The following NOTCH1 variants were observed in gnomAD, a reference collection of about 807,000 sequenced individuals.
The protein encoded by NOTCH1 is neurogenic locus notch homolog protein 1.
In NOTCH1, 37 loss-of-function variants were observed where a neutral mutation model predicts 254.8. The observed-to-expected ratio is 0.15, with a 90% CI of 0.11 to 0.19. The LOEUF (loss-of-function observed/expected upper bound fraction) is 0.19, where lower values mean the gene tolerates loss of function less well. NOTCH1 is among the 10% of genes least tolerant of loss of function. The probability of loss-of-function intolerance (pLI) is 1.00; values close to 1 mark genes in which losing one functional copy is unlikely to be tolerated. For synonymous variants in NOTCH1, 1,731 were observed against 1,618.1 expected (o/e 1.07, Z -1.68); for missense variants, 2,972 against 3,708.6 (o/e 0.80, Z 5.16).
chr9:136,540,863 C>T lies in NOTCH1; in HGVS notation c.140+3161G>A, dbSNP rs1843723051. ...GTCAGCAGCCAACATCTTAGCTGCC[C>T]CCTGCCTCAACGCCCAGCCCAGACG... On this transcript the variant is annotated intron_variant, in intron 2 of 33. Transcript: ENST00000651671. This position sits in a 1 kb window ranked among gnomAD's most constrained non-coding sequence, Gnocchi z 4.4. Among the ~76,000 whole-genome samples, 1 of 152,118 alleles carries T rather than the reference C, an allele frequency of 6.6e-6. No individual in the cohort carries two copies. Among genetic ancestry groups the T allele is most frequent in the East Asian group, 1.9e-4 (1 of 5,174 alleles).
chr9:136,501,666 A>T (rs2133328175), intron 30 of NOTCH1, 82 bp downstream of exon 30: 1 of 1,539,666 alleles, frequency 6.5e-7, no homozygotes, highest in South Asian at 1.1e-5. Flanking sequence ...CAGAGTATCA[A>T]CTGTACCCCA....
chr9:136,500,220 G>A (rs1842974838), intron 31 of NOTCH1, among the ~76,000 whole-genome samples: 1 of 152,236 alleles, frequency 6.6e-6, no homozygotes, highest in Non-Finnish European at 1.5e-5. Context: ...GCTGCGAGGG[G>A]CTGCAGCAGT....
intron 2 of NOTCH1, among the ~76,000 whole-genome samples, chr9:136,537,076 G>A (rs1014577432): frequency 6.6e-6 from 1 of 152,216 alleles, no homozygotes; most frequent in Non-Finnish European, 1.5e-5. Flanking sequence ...CATCCTACAG[G>A]TTCACCTGGG....
At position 136,509,719 on chromosome 9, in the gene NOTCH1, C is replaced by A. The variant is rs112192550; in HGVS notation, c.2969+14G>T. 2 of 1,610,624 alleles carry A rather than the reference C, an allele frequency of 1.2e-6. No individual in the cohort carries two copies. Among genetic ancestry groups the A allele is most frequent in the African/African-American group, 1.3e-5 (1 of 74,912 alleles). ...GCCCGTTCCCTTCCACGGCCTCACT[C>A]GAGCCCCGCACACCTCTCTGTGCAG... On this transcript the variant is annotated intron_variant, in intron 18 of 33. Coordinates refer to ENST00000651671, the MANE Select transcript of NOTCH1 (RefSeq NM_017617.5).
At position 136,519,350 on chromosome 9, in the gene NOTCH1, C is replaced by T. The variant is rs117054785; in HGVS notation, c.865+93G>A. On this transcript the variant is annotated intron_variant, in intron 5 of 33. Transcript: ENST00000651671. ...GTCTGCCTGGCCTGGGACAGGGTCT[C>T]GGCTGCTCCCCGCTATGCCTGTGAG... 12,827 of 1,556,418 alleles carry T rather than the reference C, an allele frequency of 8.2e-3. 79 individuals are homozygous for T. The highest frequency in any genetic ancestry group is 0.01 in the Non-Finnish European group (11,500 of 1,141,054).
intron 33 of NOTCH1, among the ~76,000 whole-genome samples, chr9:136,498,133 G>A (rs1390199233): frequency 6.6e-6 from 1 of 152,130 alleles, no homozygotes; most frequent in Non-Finnish European, 1.5e-5. Context: ...CACGGACTGG[G>A]GAGCGCCTGG....
At position 136,514,711 on chromosome 9, in the gene NOTCH1, A is replaced by G. The variant is rs1438226200; in HGVS notation, c.2015-9T>C. The G allele has an allele frequency of 1.9e-6, 3 of 1,611,058 alleles. No homozygotes were observed. The African/African-American group carries it at 4.0e-5, about 22-fold the overall frequency. ...GATGTTACACATGCTCCCTAAGGGC[A>G]GGGCGGGTCAGACTCCGAGGCCCAG... On this transcript the variant is annotated splice_polypyrimidine_tract_variant and intron_variant, in intron 12 of 33. Transcript: ENST00000651671.
chr9:136,507,084 G>A (rs554404707), intron 22 of NOTCH1, 111 bp from the exon 23 acceptor site: 25 of 1,506,058 alleles, frequency 1.7e-5, no homozygotes, highest in Middle Eastern at 2.3e-4. Context: ...ACGGACACTC[G>A]GGAGAGGCAG....
intron 26 of NOTCH1, among the ~76,000 whole-genome samples, chr9:136,504,043 A>C (rs1474865245): frequency 1.3e-5 from 2 of 149,680 alleles, no homozygotes; most frequent in East Asian, 2.0e-4. Context: ...CTCCAACTGC[A>C]AGGCCCAGCA....
chr9:136,518,036 C>T (rs1015648343), intron 7 of NOTCH1, 99 bp from the exon 8 acceptor site: 1 of 1,559,912 alleles, frequency 6.4e-7, no homozygotes, highest in African/African-American at 1.4e-5. Flanking sequence ...GTCCCATCCC[C>T]CATCTAACTG....
At chr9:136,525,482 C>T (rs965338784) in intron 2 of NOTCH1, among the ~76,000 whole-genome samples, 47 of 152,380 alleles carry the variant, frequency 3.1e-4, no homozygotes, top group African/African-American at 1.1e-3. Context: ...GCGGCCCCAG[C>T]GGCCCGGGAA....
Position 136,511,164 on chromosome 9 carries a change from T to C in NOTCH1, c.2575A>G (p.Thr859Ala). 6.2e-7 allele frequency: 1 copy of C among 1,612,724 alleles called. No individual in the cohort carries two copies. Residue 859 changes from threonine (T) to alanine (A), a missense_variant, in exon 16 of 34, where the codon ACG becomes GCG. Around this residue, in one of 8 missense-constraint regions of NOTCH1, gnomAD observed 1,343 missense variants for 1,557.0 expected, o/e 0.86. Transcript: ENST00000651671. ...DYESFSCVCP[T>A]GWQGQTCEVD... is the part of the protein sequence containing the mutation. The stretch of plus-strand genomic sequence containing the variant: ...TGGCCAGCCTCACCTTGCCAGCCCG[T>C]GGGGCAGACACAGGAGAAGCTCTCA...
At chr9:136,535,405 G>C (rs375853007) in intron 2 of NOTCH1, among the ~76,000 whole-genome samples, 1 of 152,008 alleles carries the variant, frequency 6.6e-6, no homozygotes, top group Non-Finnish European at 1.5e-5. Flanking sequence ...TGAGTGGGGG[G>C]TTCAGAGGTG....
At chr9:136,501,034 C>T (rs1011733856) in intron 30 of NOTCH1, among the ~76,000 whole-genome samples, 187 bp from the exon 31 acceptor site, 6 of 152,200 alleles carry the variant, frequency 3.9e-5, no homozygotes, top group Non-Finnish European at 8.8e-5. Context: ...TGGACAGAGC[C>T]GAATCCAGCT....
intron 2 of NOTCH1, among the ~76,000 whole-genome samples, chr9:136,541,012 C>A (rs1382692982): frequency 6.6e-6 from 1 of 152,170 alleles, no homozygotes; most frequent in African/African-American, 2.4e-5. Context: ...TCTTCAGTAC[C>A]CCTTGCTCAC....
At position 136,511,400 on chromosome 9, in the gene NOTCH1, C is replaced by T. The variant is rs11574893; in HGVS notation, c.2468-129G>A. The T allele has an allele frequency of 8.4e-3, 10,430 of 1,241,472 alleles. 57 individuals are homozygous for T. The highest frequency in any genetic ancestry group is 0.014 in the Middle Eastern group (72 of 5,106). 76.9% of individuals were successfully genotyped at this position (1,241,472 alleles called of 1,614,324 possible). ...GTCCCGCCGGGAGGCAAATGTGCAC[C>T]GAGACCCCTGAGCGCTCCCGGCTGT... On this transcript the variant is annotated intron_variant, in intron 15 of 33. Transcript: ENST00000651671.
rs774262180 is a variant in NOTCH1 at position 136,499,124 on chromosome 9, C to T, written c.6070G>A (p.Val2024Ile). The T allele has an allele frequency of 1.5e-5, 25 of 1,613,186 alleles. No homozygotes were observed. The highest frequency in any genetic ancestry group is 1.4e-4 in the South Asian group (13 of 91,088). Residue 2024 changes from valine to isoleucine, a missense_variant, in exon 32 of 34, where the codon GTA becomes ATA. Coordinates refer to ENST00000651671, the MANE Select transcript of NOTCH1 (RefSeq NM_017617.5). ...CCCGTGGGCTCACCCAGGTCATCTA[C>T]GGCGTTGACGTCGGCGTGTGAGTTG... ...LINSHADVNAVDDLGKSALHW... is the reference protein window; with the variant it reads ...LINSHADVNAIDDLGKSALHW...
At position 136,508,410 on chromosome 9, in the gene NOTCH1, G is replaced by T. The variant is rs941227675; in HGVS notation, c.3172-25C>A. 7 of 1,612,830 alleles carry T rather than the reference G, an allele frequency of 4.3e-6. No homozygotes were observed. In the South Asian group the frequency reaches 7.7e-5, roughly 18 times the overall value. On this transcript the variant is annotated intron_variant, in intron 19 of 33. Coordinates refer to ENST00000651671, the MANE Select transcript of NOTCH1 (RefSeq NM_017617.5). ...TCTGGGGACAGATTGGGGTCAGCTG[G>T]GTGCCCGCGCCCCGGCCATTTCCCC...
In NOTCH1 at chr9:136,502,099, A is replaced by T; in HGVS notation, c.5385-11T>A. 1.9e-6 allele frequency: 3 copies of T among 1,612,666 alleles called. No homozygotes were observed. The highest frequency in any genetic ancestry group is 2.5e-6 in the Non-Finnish European group (3 of 1,179,904). The stretch of plus-strand genomic sequence containing the variant: ...GCGTTCTTCAGGGGCCTGGGGGGTG[A>T]GGGGTCGAGAAGTGAGGCTGAGCGA... On this transcript the variant is annotated splice_polypyrimidine_tract_variant and intron_variant, in intron 28 of 33. Transcript: ENST00000651671.
Sources: gnomAD v4.1 joint callset for allele counts (sites outside exome capture counted in the v4.1 genomes callset) on GRCh38, gnomAD v4.1.1 for gene constraint, gnomAD v4.1.1 regional missense constraint, Gnocchi (gnomAD v3.1) non-coding constraint, MANE v1.5 for transcripts, NCBI Gene and HGNC (gene_info 2026-07-23, HGNC 2026-07-21) for gene names.